SLC41A2: variants seen among roughly 807,000 people sequenced by gnomAD.
SLC41A2 encodes the protein solute carrier family 41 member 2.
In SLC41A2, 32 loss-of-function variants were observed where a neutral mutation model predicts 58.3. That is an observed-to-expected ratio of 0.55 (90% CI 0.41 to 0.74). The LOEUF is 0.74. Ranked by LOEUF, SLC41A2 falls within the 30% of genes least tolerant of loss-of-function variation. The pLI is 0.00. For missense variants in SLC41A2, 514 were observed against 680.6 expected, an observed-to-expected ratio of 0.76 and a Z score of 2.72; for synonymous variants, 190 against 235.0, an observed-to-expected ratio of 0.81 and a Z score of 1.75.
In SLC41A2 at chr12:104,844,455, G is replaced by T; in HGVS notation, c.1536+17C>A. On this transcript the variant is annotated intron_variant, in intron 10 of 10. Transcript: ENST00000258538. ...AGTCTCAGCATAAAAGAGATTTCAA[G>T]AAGTTTTAACTCTTACCTGTAACAC... 1 of 1,396,042 alleles carries T rather than the reference G, an allele frequency of 7.2e-7. No individual in the cohort carries two copies. Among genetic ancestry groups the T allele is most frequent in the Non-Finnish European group, 9.4e-7 (1 of 1,065,756 alleles). 86.5% of individuals were successfully genotyped at this position (1,396,042 alleles called of 1,614,324 possible).
intron 6 of SLC41A2, among the ~76,000 whole-genome samples, chr12:104,870,286 G>A (rs1222115275): frequency 6.6e-6 from 1 of 152,116 alleles, no homozygotes; most frequent in Admixed American, 6.5e-5. Context: ...CCAGAAGATG[G>A]AAGAGGCAAG....
At chr12:104,927,925 T>C in intron 2 of SLC41A2, 48 bp downstream of exon 2, 1 of 1,486,010 alleles carries the variant, frequency 6.7e-7, no homozygotes, top group Non-Finnish European at 9.0e-7. Flanking sequence ...TAAACAGAAA[T>C]GGAATAACAA....
At position 104,802,591 on chromosome 12, in the gene SLC41A2, A is replaced by G. The variant is rs1395446772; in HGVS notation, c.*2561T>C. ...GTATTTATTTACCAGCATTTATGGC[A>G]AATGGCCAGACCTGGGCAGGGTGGT... is the stretch of plus-strand genomic sequence containing the variant. On this transcript the variant is annotated 3_prime_UTR_variant, in exon 11 of 11. Transcript: ENST00000258538. 1 of 152,216 alleles carries G rather than the reference A, an allele frequency of 6.6e-6. No individual in the cohort carries two copies. The highest frequency in any genetic ancestry group is 1.5e-5 in the Non-Finnish European group (1 of 68,024). The allele number at this position is 152,216 out of a possible 1,614,324, so 9.4% of individuals were successfully genotyped here. A position where few individuals can be genotyped will look rare whatever the true frequency, so the allele number is the denominator to read the frequency against.
chr12:104,836,461 A>T (rs2042211639), intron 10 of SLC41A2, among the ~76,000 whole-genome samples: 1 of 152,354 alleles, frequency 6.6e-6, no homozygotes, highest in African/African-American at 2.4e-5. Flanking sequence ...AAACTTTCAG[A>T]AGAAACAATT....
At chr12:104,851,967 A>G (rs773633002) in intron 8 of SLC41A2, 8 of 152,234 alleles carry the variant, frequency 5.3e-5, no homozygotes, top group Non-Finnish European at 8.8e-5. Context: ...ATTAGCATGT[A>G]TCGGTACTCA....
At position 104,938,368 on chromosome 12, in the gene SLC41A2, T is replaced by C. The variant is rs77088338; in HGVS notation, c.-167-9674A>G. Among the ~76,000 whole-genome samples the C allele has an allele frequency of 3.7e-3, 571 of 152,314 alleles. 3 individuals carry two copies. The highest frequency in any genetic ancestry group is 6.7e-3 in the Non-Finnish European group (455 of 68,028). On this transcript the variant is annotated intron_variant, in intron 1 of 10. Coordinates refer to ENST00000258538, the MANE Select transcript of SLC41A2 (RefSeq NM_001352171.3). ...TGATTAATACTGTGATGGATGTTAT[T>C]ATTACTCCCCGTTATTGGTCCCCTC...
intron 7 of SLC41A2, among the ~76,000 whole-genome samples, chr12:104,865,230 AG>A (rs2043382755): frequency 6.6e-6 from 1 of 152,198 alleles, no homozygotes; most frequent in South Asian, 2.1e-4. Flanking sequence ...GAAGTGGGAT[AG>A]GGTTCTCATT....
rs1220791431 is a variant in SLC41A2, at chr12:104,866,536, C to T, written c.1071G>A (p.Leu357=). ...YISPLVGVFF[L]ALTPIWIIIA... is the part of the protein sequence containing the mutation. ...TTATAATCCAAATAGGGGTTAGAGC[C>T]AAGAAAAATACACCAACTAATGGAG... The change falls in exon 7 of 11, where the codon TTG becomes TTA. Residue 357 remains leucine, a synonymous_variant. Coordinates refer to ENST00000258538, the MANE Select transcript of SLC41A2 (RefSeq NM_001352171.3). 1.2e-6 allele frequency: 2 copies of T among 1,602,220 alleles called. No individual in the cohort carries two copies. Among genetic ancestry groups the T allele is most frequent in the Admixed American group, 3.4e-5 (2 of 58,988 alleles).
chr12:104,888,874 G>A (rs1462121730), intron 5 of SLC41A2, among the ~76,000 whole-genome samples, 159 bp downstream of exon 5: 2 of 152,138 alleles, frequency 1.3e-5, no homozygotes, highest in Admixed American at 6.5e-5. Flanking sequence ...ATAATGAAAT[G>A]TAAATATATC....
At chr12:104,876,385 G>A (rs771997625) in intron 6 of SLC41A2, among the ~76,000 whole-genome samples, 3 of 151,734 alleles carry the variant, frequency 2.0e-5, no homozygotes, top group African/African-American at 4.8e-5. Flanking sequence ...CTAAATGCAG[G>A]TGTTTATCGC....
intron 1 of SLC41A2, among the ~76,000 whole-genome samples, chr12:104,947,501 T>C (rs924153768): frequency 1.3e-5 from 2 of 152,056 alleles, no homozygotes; most frequent in East Asian, 1.9e-4. Context: ...TGCCTGGCCA[T>C]TGGCTTTTAA....
chr12:104,873,223 C>T (rs961544590), intron 6 of SLC41A2, among the ~76,000 whole-genome samples: 3 of 152,016 alleles, frequency 2.0e-5, no homozygotes, highest in African/African-American at 7.3e-5. Context: ...TTCTACTCTT[C>T]GTTCCTATGT....
intron 10 of SLC41A2, 127 bp downstream of exon 10, chr12:104,844,345 A>T (rs1274684612): frequency 7.4e-6 from 4 of 542,470 alleles, no homozygotes; most frequent in Non-Finnish European, 1.2e-5. Context: ...AAGAAGATCA[A>T]ATCAATATGA....
At chr12:104,877,092 A>T (rs2044085407) in intron 6 of SLC41A2, among the ~76,000 whole-genome samples, 1 of 152,212 alleles carries the variant, frequency 6.6e-6, no homozygotes, top group Non-Finnish European at 1.5e-5. Context: ...GCCTACTGCT[A>T]TCATAAAATC....
At chr12:104,944,794 T>C (rs1027879364) in intron 1 of SLC41A2, among the ~76,000 whole-genome samples, 3 of 152,036 alleles carry the variant, frequency 2.0e-5, no homozygotes, top group Admixed American at 2.0e-4. Context: ...GTTAAAAGTG[T>C]GTTTCTAATA....
chr12:104,879,138 C>T (rs1192948764), intron 6 of SLC41A2, among the ~76,000 whole-genome samples: 1 of 152,214 alleles, frequency 6.6e-6, no homozygotes, highest in Non-Finnish European at 1.5e-5. Context: ...TCGTATCCTT[C>T]ACCCACTTGT....
rs749768664 is a variant in SLC41A2 at position 104,844,466 on chromosome 12, T to A, written c.1536+6A>T. 6.9e-7 allele frequency: 1 copy of A among 1,447,964 alleles called. No individual in the cohort carries two copies. The allele number at this position is 1,447,964 out of a possible 1,614,324, so 89.7% of individuals were successfully genotyped here. On this transcript the variant is annotated splice_donor_region_variant and intron_variant, in intron 10 of 10. Transcript: ENST00000258538. ...AAAAGAGATTTCAAGAAGTTTTAAC[T>A]CTTACCTGTAACACAGCGCCAAATA...
At chr12:104,848,117 G>A (rs1286622687) in intron 8 of SLC41A2, among the ~76,000 whole-genome samples, 16 of 152,088 alleles carry the variant, frequency 1.1e-4, no homozygotes, top group Admixed American at 1.0e-3. Flanking sequence ...CAATAAATTA[G>A]AAATGATTGG....
chr12:104,824,029 G>A (rs553882614), intron 10 of SLC41A2, among the ~76,000 whole-genome samples: 1 of 152,164 alleles, frequency 6.6e-6, no homozygotes, highest in African/African-American at 2.4e-5. Flanking sequence ...GAAGTGCCAG[G>A]AGGGGCATGG....
Sources: gnomAD v4.1 joint callset for allele counts (sites outside exome capture counted in the v4.1 genomes callset) on GRCh38, gnomAD v4.1.1 for gene constraint, MANE v1.5 for transcripts, NCBI Gene and HGNC (gene_info 2026-07-23, HGNC 2026-07-21) for gene names.